Variants in PKHD1 observed in about 807,000 individuals in gnomAD.
The protein encoded by PKHD1 is fibrocystin.
A neutral mutation model predicts 412.0 loss-of-function variants in PKHD1; 291 were observed. The observed-to-expected ratio is 0.71, with a 90% CI of 0.64 to 0.78. The LOEUF (loss-of-function observed/expected upper bound fraction) is 0.78, where lower values mean the gene tolerates loss of function less well. Among genes scored for constraint, PKHD1 ranks in the 30% least tolerant of loss-of-function variants. The pLI is 0.00. For synonymous variants in PKHD1, 1,777 were observed against 1,821.5 expected, an observed-to-expected ratio of 0.98 and a Z score of 0.62; for missense variants, 4,825 against 4,950.7, an observed-to-expected ratio of 0.97 and a Z score of 0.76.
intron 60 of PKHD1, among the ~76,000 whole-genome samples, chr6:51,742,306 A>C (rs145480746): frequency 1.1e-3 from 169 of 152,302 alleles, no homozygotes; most frequent in African/African-American, 3.8e-3. Context: ...TGTAGTCCTT[A>C]CAGCTTTTCA....
intron 43 of PKHD1, among the ~76,000 whole-genome samples, chr6:51,894,547 ATGT>A (rs1301889079): frequency 4.6e-4 from 70 of 152,362 alleles, no homozygotes; most frequent in Admixed American, 1.9e-3. Flanking sequence ...TGAATTCCTT[ATGT>A]TGTGGCTGAG....
At chr6:51,798,925 G>A (rs902313598) in intron 52 of PKHD1, among the ~76,000 whole-genome samples, 5 of 152,130 alleles carry the variant, frequency 3.3e-5, no homozygotes, top group African/African-American at 1.2e-4. Context: ...GCTTTTAGAT[G>A]TATTTCTCAG....
At chr6:51,911,658 A>G (rs996778304) in intron 39 of PKHD1, 141 bp downstream of exon 39, 10 of 724,914 alleles carry the variant, frequency 1.4e-5, no homozygotes, top group Admixed American at 4.1e-5. Context: ...GCATTCTGAA[A>G]ACTACAGAAA....
intron 40 of PKHD1, among the ~76,000 whole-genome samples, chr6:51,908,480 G>C (rs1202899890): frequency 6.6e-6 from 1 of 152,082 alleles, no homozygotes; most frequent in Non-Finnish European, 1.5e-5. Context: ...GAATGGGGAG[G>C]ATTACTCAGA....
Position 51,900,183 on chromosome 6 carries a change from T to C in PKHD1, c.6996+3414A>G, listed in dbSNP as rs182291292. On this transcript the variant is annotated intron_variant, in intron 43 of 66. Transcript: ENST00000371117. The stretch of plus-strand genomic sequence containing the variant: ...AAAAAAAACTACTTTAAAGTTCATA[T>C]GGAACCAAAAAAAGAGCCCGCATCG... 2.5e-3 allele frequency among the ~76,000 whole-genome samples: 376 copies of C among 152,282 alleles called. 3 individuals are homozygous for C. The highest frequency in any genetic ancestry group is 8.1e-3 in the African/African-American group (337 of 41,544).
intron 48 of PKHD1, among the ~76,000 whole-genome samples, chr6:51,862,399 A>C (rs1442209856): frequency 6.6e-6 from 1 of 152,072 alleles, no homozygotes; most frequent in Non-Finnish European, 1.5e-5. Flanking sequence ...ATCTTTTTCT[A>C]CTTTAATTCT....
rs1267240028 is a variant in PKHD1 at position 52,076,189 on chromosome 6, C to T, written c.448+87G>A. ...CATCAAAGAAGAAGTTAAATTTTCC[C>T]ACTCATAAAAACCACTCACCTAGGT... On this transcript the variant is annotated intron_variant, in intron 6 of 66. Coordinates refer to ENST00000371117, the MANE Select transcript of PKHD1 (RefSeq NM_138694.4). 3 of 859,040 alleles carry T rather than the reference C, an allele frequency of 3.5e-6. No individual in the cohort carries two copies. The Admixed American group carries it at 5.4e-5, about 15-fold the overall frequency. 53.2% of individuals were successfully genotyped at this position (859,040 alleles called of 1,614,324 possible).
intron 48 of PKHD1, among the ~76,000 whole-genome samples, chr6:51,865,410 G>A (rs146618967): frequency 5.3e-5 from 8 of 152,240 alleles, no homozygotes; most frequent in Non-Finnish European, 8.8e-5. Flanking sequence ...GTGCCACAAA[G>A]GTAAGCACCG....
At position 51,668,568 on chromosome 6, in the gene PKHD1, A is replaced by G. The variant is rs578234459; in HGVS notation, c.10157-8599T>C. On this transcript the variant is annotated intron_variant, in intron 60 of 66. Transcript: ENST00000371117. The stretch of plus-strand genomic sequence containing the variant: ...CTCCTGCCTGATTGCCCTGGCCAGA[A>G]CTTCCAACACTATGTTGAATAGGAG... 3.2e-3 allele frequency among the ~76,000 whole-genome samples: 482 copies of G among 152,232 alleles called. 1 individual carries two copies. Among genetic ancestry groups the G allele is most frequent in the African/African-American group, 0.011 (461 of 41,524 alleles).
At chr6:51,687,092 G>A (rs1777538781) in intron 60 of PKHD1, among the ~76,000 whole-genome samples, 1 of 152,078 alleles carries the variant, frequency 6.6e-6, no homozygotes, top group Non-Finnish European at 1.5e-5. Context: ...GAAGGAAAGG[G>A]GAAAAGAGGA....
intron 52 of PKHD1, among the ~76,000 whole-genome samples, chr6:51,814,986 C>T (rs1765223039): frequency 6.6e-6 from 1 of 152,136 alleles, no homozygotes; most frequent in Admixed American, 6.5e-5. Context: ...AGCAGACCAC[C>T]AGGTCTTCCA....
At chr6:51,845,454 T>A (rs1770972421) in intron 50 of PKHD1, among the ~76,000 whole-genome samples, 1 of 152,164 alleles carries the variant, frequency 6.6e-6, no homozygotes, top group Non-Finnish European at 1.5e-5. Context: ...CTACGGGGAA[T>A]CCCTTCAAGA....
chr6:51,924,212 A>G (rs1199870559), intron 37 of PKHD1, among the ~76,000 whole-genome samples: 1 of 152,176 alleles, frequency 6.6e-6, no homozygotes, highest in Non-Finnish European at 1.5e-5. Context: ...CTTTGAAGGA[A>G]AAATCACAAG....
At position 51,653,502 on chromosome 6, in the gene PKHD1, C is replaced by T. The variant is rs80253680; in HGVS notation, c.11175-4282G>A. ...GTCACTAATTGCCTCTGAAAAACTA[C>T]CACTCATCTTTGCCTTCAACTTCAC... On this transcript the variant is annotated intron_variant, in intron 61 of 66. Coordinates refer to ENST00000371117, the MANE Select transcript of PKHD1 (RefSeq NM_138694.4). Among the ~76,000 whole-genome samples the T allele has an allele frequency of 2.6e-5, 4 of 152,224 alleles. No individual in the cohort carries two copies. The East Asian group carries it at 5.8e-4, about 22-fold the overall frequency.
chr6:52,008,335 T>C (rs781467976), intron 35 of PKHD1, among the ~76,000 whole-genome samples: 4 of 152,214 alleles, frequency 2.6e-5, no homozygotes, highest in Non-Finnish European at 5.9e-5. Flanking sequence ...CTGTGATGAA[T>C]TGACTCTATG....
rs538567552 is a variant in PKHD1, at chr6:51,817,401, C to T, written c.8302+13460G>A. ...CCTCAACCTATGGGAGGAAACTCTG[C>T]TGTAGACACCCATCCCCCTAGATTT... On this transcript the variant is annotated intron_variant, in intron 52 of 66. Transcript: ENST00000371117. Among the ~76,000 whole-genome samples the T allele has an allele frequency of 3.9e-5, 6 of 152,212 alleles. No homozygotes were observed. In the South Asian group the frequency reaches 1.2e-3, roughly 32 times the overall value.
At chr6:51,822,951 T>C (rs909417563) in intron 52 of PKHD1, among the ~76,000 whole-genome samples, 1 of 152,196 alleles carries the variant, frequency 6.6e-6, no homozygotes, top group African/African-American at 2.4e-5. Context: ...ACTGCTACTA[T>C]ATAGCTTGTA....
At position 51,818,914 on chromosome 6, in the gene PKHD1, A is replaced by T. The variant is rs540085830; in HGVS notation, c.8302+11947T>A. On this transcript the variant is annotated intron_variant, in intron 52 of 66. Transcript: ENST00000371117. ...GTCCAAGTCCCTGACACCATGGAACAGATTTTTATGTAAGAGAGATGTAAA... is the reference window on the plus strand; with the variant it reads ...GTCCAAGTCCCTGACACCATGGAACTGATTTTTATGTAAGAGAGATGTAAA... Among the ~76,000 whole-genome samples the T allele has an allele frequency of 1.2e-4, 19 of 152,338 alleles. No homozygotes were observed. The South Asian group carries it at 3.9e-3, about 32-fold the overall frequency.
intron 53 of PKHD1, among the ~76,000 whole-genome samples, chr6:51,784,840 CA>C (rs1792610000): frequency 6.6e-6 from 1 of 151,984 alleles, no homozygotes; most frequent in Non-Finnish European, 1.5e-5. Flanking sequence ...CAAGTCTTCG[CA>C]GGTCTAGCTT....
Sources: gnomAD v4.1 joint callset for allele counts (sites outside exome capture counted in the v4.1 genomes callset) on GRCh38, gnomAD v4.1.1 for gene constraint, MANE v1.5 for transcripts, NCBI Gene and HGNC (gene_info 2026-07-23, HGNC 2026-07-21) for gene names.